Variants in XPR1 observed in about 807,000 individuals in gnomAD.
XPR1 encodes the protein xenotropic and polytropic retrovirus receptor 1, also known as solute carrier family 53 member 1.
XPR1 carries 28 observed loss-of-function variants against 87.5 expected under a neutral mutation model. The ratio of observed to expected loss-of-function variants is 0.32; its 90% confidence interval spans 0.24 to 0.44. The LOEUF (loss-of-function observed/expected upper bound fraction) is 0.44, where lower values mean the gene tolerates loss of function less well. Among genes scored for constraint, XPR1 ranks in the 20% least tolerant of loss-of-function variants. The probability of loss-of-function intolerance (pLI) is 1.00; values close to 1 mark genes in which losing one functional copy is unlikely to be tolerated. For missense variants in XPR1, 559 were observed against 862.3 expected (o/e 0.65, Z 4.41); for synonymous variants, 300 against 306.1 (o/e 0.98, Z 0.21).
intron 9 of XPR1, among the ~76,000 whole-genome samples, chr1:180,832,926 G>A (rs934938739): frequency 1.3e-5 from 2 of 152,174 alleles, no homozygotes; most frequent in African/African-American, 2.4e-5. Flanking sequence ...GATAGGGATA[G>A]CATTGAATCT....
intron 2 of XPR1, among the ~76,000 whole-genome samples, chr1:180,724,215 T>G (rs1658263579): frequency 6.6e-6 from 1 of 152,122 alleles, no homozygotes; most frequent in African/African-American, 2.4e-5. Flanking sequence ...GAGGTGAGTT[T>G]GGGATATCAA....
chr1:180,761,226 T>C (rs537972464), intron 2 of XPR1, among the ~76,000 whole-genome samples: 2,539 of 152,242 alleles, frequency 0.017, 78 homozygotes, highest in African/African-American at 0.056. Context: ...ACTTCATGTC[T>C]AAAACACCAA....
At chr1:180,771,661 C>T (rs886589958) in intron 2 of XPR1, among the ~76,000 whole-genome samples, 1 of 152,102 alleles carries the variant, frequency 6.6e-6, no homozygotes, top group African/African-American at 2.4e-5. Flanking sequence ...GCGTATTGTG[C>T]TTTGATAATT....
chr1:180,645,528 C>T (rs1412332986), intron 1 of XPR1, among the ~76,000 whole-genome samples: 3 of 152,126 alleles, frequency 2.0e-5, no homozygotes, highest in Non-Finnish European at 4.4e-5. Flanking sequence ...TTAAGTTTTG[C>T]GACCCATTCT....
chr1:180,714,998 A>C (rs957597059), intron 2 of XPR1, among the ~76,000 whole-genome samples: 6 of 152,172 alleles, frequency 3.9e-5, no homozygotes, highest in Non-Finnish European at 5.9e-5. Context: ...ATGTGGGCTA[A>C]TTAAGAAAAA....
chr1:180,708,709 GA>G, intron 2 of XPR1, among the ~76,000 whole-genome samples: 1 of 151,826 alleles, frequency 6.6e-6, no homozygotes, highest in African/African-American at 2.4e-5. Flanking sequence ...TGTTTTATTT[GA>G]AATATCATGC....
intron 2 of XPR1, among the ~76,000 whole-genome samples, chr1:180,744,664 T>C (rs934855966): frequency 5.6e-5 from 8 of 143,724 alleles, no homozygotes; most frequent in African/African-American, 2.1e-4. Flanking sequence ...CTTTTTTTTT[T>C]TTTTGAGACA....
intron 3 of XPR1, among the ~76,000 whole-genome samples, chr1:180,802,806 C>T (rs1283171659): frequency 3.3e-5 from 5 of 152,190 alleles, no homozygotes; most frequent in Non-Finnish European, 7.3e-5. Flanking sequence ...TGGTTTCTTT[C>T]ACTTAATGTC....
At chr1:180,806,705 T>C in intron 6 of XPR1, 148 bp downstream of exon 6, 1 of 567,918 alleles carries the variant, frequency 1.8e-6, no homozygotes, top group East Asian at 2.8e-5. Context: ...AAACATTATA[T>C]GCTATATTTT....
chr1:180,740,383 A>G (rs1658874653), intron 2 of XPR1, among the ~76,000 whole-genome samples: 1 of 151,096 alleles, frequency 6.6e-6, no homozygotes, highest in Non-Finnish European at 1.5e-5. Context: ...ATGGACATGG[A>G]GTTTTGTCAC....
At chr1:180,735,546 T>A (rs987352226) in intron 2 of XPR1, among the ~76,000 whole-genome samples, 1 of 151,958 alleles carries the variant, frequency 6.6e-6, no homozygotes, top group Non-Finnish European at 1.5e-5. Context: ...GTACAATCAT[T>A]AAATTTAACA....
intron 3 of XPR1, among the ~76,000 whole-genome samples, chr1:180,789,543 C>T (rs1337095171): frequency 6.6e-6 from 1 of 152,106 alleles, no homozygotes; most frequent in African/African-American, 2.4e-5. Context: ...TTCAGTTTAT[C>T]ATACATGTCT....
chr1:180,734,392 TAGTG>T (rs1206562293), intron 2 of XPR1, among the ~76,000 whole-genome samples: 1 of 152,050 alleles, frequency 6.6e-6, no homozygotes, highest in Non-Finnish European at 1.5e-5. Context: ...AAACAGGAAT[TAGTG>T]AGGGGTAAGG....
At chr1:180,664,496 G>T (rs1030953063) in intron 1 of XPR1, among the ~76,000 whole-genome samples, 3 of 152,140 alleles carry the variant, frequency 2.0e-5, no homozygotes, top group Non-Finnish European at 4.4e-5. Context: ...TCCTACTGTA[G>T]CTCAGTTGGT....
At chr1:180,770,369 G>C (rs562210700) in intron 2 of XPR1, among the ~76,000 whole-genome samples, 2 of 152,250 alleles carry the variant, frequency 1.3e-5, no homozygotes, top group East Asian at 3.9e-4. Context: ...GTCCTCACAT[G>C]CCATTTCCTT....
intron 11 of XPR1, among the ~76,000 whole-genome samples, chr1:180,854,804 C>G (rs1301244808): frequency 6.6e-6 from 1 of 152,140 alleles, no homozygotes; most frequent in Non-Finnish European, 1.5e-5. Flanking sequence ...TTTGTCAAAG[C>G]CTTAGAATCT....
Position 180,701,715 on chromosome 1 carries a change from A to G in XPR1, c.121+19304A>G, listed in dbSNP as rs1285278532. Among the ~76,000 whole-genome samples, 90 of 139,330 alleles carry G rather than the reference A, an allele frequency of 6.5e-4. 7 individuals are homozygous for G. The highest frequency in any genetic ancestry group is 9.1e-5 in the Non-Finnish European group (6 of 65,584). 91.4% of individuals were successfully genotyped at this position (139,330 alleles called of 152,430 possible). A position where few individuals can be genotyped will look rare whatever the true frequency, so the allele number is the denominator to read the frequency against. ...TGTCTCTGCCCGGCTTTGGTATCAG[A>G]ATGATGCTGGCCTCATAAAATGAGT... is the stretch of plus-strand genomic sequence containing the variant. On this transcript the variant is annotated intron_variant, in intron 2 of 14. Coordinates refer to ENST00000367590, the MANE Select transcript of XPR1 (RefSeq NM_004736.4).
chr1:180,769,348 T>C (rs888853242), intron 2 of XPR1, among the ~76,000 whole-genome samples: 5 of 151,954 alleles, frequency 3.3e-5, no homozygotes, highest in African/African-American at 1.2e-4. Context: ...TAGTAGGTCT[T>C]ATTCATTATT....
At chr1:180,751,259 C>G (rs1307895682) in intron 2 of XPR1, among the ~76,000 whole-genome samples, 1 of 151,546 alleles carries the variant, frequency 6.6e-6, no homozygotes, top group Non-Finnish European at 1.5e-5. Flanking sequence ...CTTTTCAACC[C>G]ACAAACTACA....
Sources: gnomAD v4.1 joint callset for allele counts (sites outside exome capture counted in the v4.1 genomes callset) on GRCh38, gnomAD v4.1.1 for gene constraint, MANE v1.5 for transcripts, NCBI Gene and HGNC (gene_info 2026-07-23, HGNC 2026-07-21) for gene names.